The following PIP5K1B variants were observed in gnomAD, a reference collection of about 807,000 sequenced individuals.
PIP5K1B encodes the protein phosphatidylinositol 4-phosphate 5-kinase type-1 beta.
A neutral mutation model predicts 67.0 loss-of-function variants in PIP5K1B; 42 were observed. That is an observed-to-expected ratio of 0.63 (90% CI 0.49 to 0.81). The LOEUF is 0.81. Ranked by LOEUF, PIP5K1B falls within the 30% of genes least tolerant of loss-of-function variation. The pLI is 0.00. For synonymous variants in PIP5K1B, 214 were observed against 231.4 expected, an observed-to-expected ratio of 0.92 and a Z score of 0.68; for missense variants, 459 against 646.3, an observed-to-expected ratio of 0.71 and a Z score of 3.14.
chr9:68,730,927 C>T (rs745879906), intron 1 of PIP5K1B, among the ~76,000 whole-genome samples: 4 of 152,232 alleles, frequency 2.6e-5, no homozygotes, highest in Non-Finnish European at 5.9e-5. Flanking sequence ...CCCCTCTTTT[C>T]ATGAGAAAGG....
At chr9:68,807,877 G>T (rs1233801611) in intron 2 of PIP5K1B, among the ~76,000 whole-genome samples, 1 of 152,204 alleles carries the variant, frequency 6.6e-6, no homozygotes, top group African/African-American at 2.4e-5. Context: ...ATATTGTGAA[G>T]TCTACCCAGT....
intron 5 of PIP5K1B, among the ~76,000 whole-genome samples, chr9:68,875,622 T>C (rs1298619232): frequency 6.6e-6 from 1 of 152,242 alleles, no homozygotes; most frequent in African/African-American, 2.4e-5. Flanking sequence ...GTTTATTCTG[T>C]GCTGAAAGCC....
chr9:68,854,383 G>C (rs1822662887), intron 4 of PIP5K1B, among the ~76,000 whole-genome samples: 1 of 151,952 alleles, frequency 6.6e-6, no homozygotes, highest in African/African-American at 2.4e-5. Context: ...TCCTGCCCTG[G>C]CCTCTCAAAA....
chr9:68,977,126 A>G (rs1217400088), intron 14 of PIP5K1B, among the ~76,000 whole-genome samples: 1 of 152,226 alleles, frequency 6.6e-6, no homozygotes, highest in Non-Finnish European at 1.5e-5. Context: ...TATGAGCTCT[A>G]GGAAGGGAAC....
At chr9:68,708,337 A>G (rs1827220940) in intron 1 of PIP5K1B, among the ~76,000 whole-genome samples, 1 of 152,184 alleles carries the variant, frequency 6.6e-6, no homozygotes, top group South Asian at 2.1e-4. Context: ...CATAAGGAAA[A>G]CATATGCTGT....
chr9:68,788,479 GTT>G (rs1333640905), intron 2 of PIP5K1B: 1 of 356,138 alleles, frequency 2.8e-6, no homozygotes, highest in South Asian at 2.6e-5. Context: ...GAAGGTTTTT[GTT>G]TTGTTTTGTT....
Position 68,993,061 on chromosome 9 carries a change from CTGGGGCAGGAGA to C in PIP5K1B, c.1620+1805_1620+1816del, listed in dbSNP as rs1457088902. Among the ~76,000 whole-genome samples the C allele has an allele frequency of 2.0e-5, 3 of 151,934 alleles. No individual in the cohort carries two copies. In the East Asian group the frequency reaches 5.8e-4, roughly 29 times the overall value. On this transcript the variant is annotated intron_variant, in intron 15 of 15. Transcript: ENST00000265382. ...CCTGTAGTCCCAGCTACTCGGAAGG[CTGGGGCAGGAGA>C]ATGGCGTGAACCCGGGAGGCGGAGC...
intron 4 of PIP5K1B, among the ~76,000 whole-genome samples, chr9:68,840,601 T>TA (rs1265790687): frequency 2.0e-5 from 3 of 152,172 alleles, no homozygotes; most frequent in East Asian, 1.9e-4. Flanking sequence ...AGGGGCCACT[T>TA]ACATTTCTTG....
At chr9:68,876,317 T>C (rs1262197772) in intron 5 of PIP5K1B, among the ~76,000 whole-genome samples, 1 of 152,160 alleles carries the variant, frequency 6.6e-6, no homozygotes, top group Non-Finnish European at 1.5e-5. Context: ...AAAAAATGCA[T>C]TTTTGAAATT....
At chr9:68,715,634 T>G (rs1288245087) in intron 1 of PIP5K1B, among the ~76,000 whole-genome samples, 2 of 152,180 alleles carry the variant, frequency 1.3e-5, no homozygotes. Flanking sequence ...CACCAGCTGC[T>G]AATCATCAGG....
chr9:68,802,977 G>A (rs1287359831), intron 2 of PIP5K1B, among the ~76,000 whole-genome samples: 1 of 152,186 alleles, frequency 6.6e-6, no homozygotes, highest in Admixed American at 6.5e-5. Flanking sequence ...CTAATTAGGA[G>A]GCTAGGGCAG....
At chr9:68,853,826 A>T (rs1160490585) in intron 4 of PIP5K1B, among the ~76,000 whole-genome samples, 2 of 152,126 alleles carry the variant, frequency 1.3e-5, no homozygotes, top group African/African-American at 4.8e-5. Context: ...AAAGATACAT[A>T]CCTGGACAGC....
Position 69,008,517 on chromosome 9 carries a change from G to A in PIP5K1B, c.*68G>A, listed in dbSNP as rs368173333. ...ACAGTTATGGCAGAGAAGTTTCTCC[G>A]CACCAGAATTATCCACAGCAACTTG... On this transcript the variant is annotated 3_prime_UTR_variant, in exon 16 of 16. Coordinates refer to ENST00000265382, the MANE Select transcript of PIP5K1B (RefSeq NM_003558.4). 1.2e-4 allele frequency: 185 copies of A among 1,497,344 alleles called. No individual in the cohort carries two copies. The highest frequency in any genetic ancestry group is 4.3e-4 in the African/African-American group (31 of 72,718). 92.8% of individuals were successfully genotyped at this position (1,497,344 alleles called of 1,614,324 possible). A position where few individuals can be genotyped will look rare whatever the true frequency, so the allele number is the denominator to read the frequency against.
At chr9:68,902,410 A>G (rs994097198) in intron 8 of PIP5K1B, among the ~76,000 whole-genome samples, 60 of 152,208 alleles carry the variant, frequency 3.9e-4, no homozygotes, top group African/African-American at 1.4e-3. Flanking sequence ...GCATAATGCC[A>G]TTGATATTCA....
At chr9:68,885,924 G>A (rs1425593779) in intron 6 of PIP5K1B, among the ~76,000 whole-genome samples, 2 of 152,232 alleles carry the variant, frequency 1.3e-5, no homozygotes, top group Admixed American at 6.5e-5. Context: ...GCTCACGCCT[G>A]TAATCCCAGC....
At chr9:68,965,220 A>ACTAT (rs3066205) in intron 14 of PIP5K1B, among the ~76,000 whole-genome samples, 147,086 of 152,190 alleles carry the variant, frequency 0.97, 71,270 homozygotes, top group East Asian at 1. Flanking sequence ...AATATATATG[A>ACTAT]CTAGTACAAT....
intron 1 of PIP5K1B, among the ~76,000 whole-genome samples, chr9:68,712,023 C>T (rs1352533436): frequency 1.3e-5 from 2 of 152,160 alleles, no homozygotes; most frequent in Non-Finnish European, 2.9e-5. Flanking sequence ...GACGTTTGTC[C>T]CTTCCAAATC....
intron 7 of PIP5K1B, among the ~76,000 whole-genome samples, chr9:68,894,062 C>T (rs1824956989): frequency 6.6e-6 from 1 of 152,200 alleles, no homozygotes; most frequent in Admixed American, 6.5e-5. Flanking sequence ...CTCATGGCAC[C>T]AGTCAATTCC....
chr9:68,823,441 T>G lies in PIP5K1B; in HGVS notation c.69+758T>G, dbSNP rs368223464. 9.1e-4 allele frequency among the ~76,000 whole-genome samples: 139 copies of G among 152,338 alleles called. 2 individuals are homozygous for G. Among genetic ancestry groups the G allele is most frequent in the Admixed American group, 1.8e-3 (28 of 15,302 alleles). ...ACATTTAAAACATTTCCTACCTTTG[T>G]ATTTTAAAACTTTTAAAATGTGAGA... is the stretch of plus-strand genomic sequence containing the variant. On this transcript the variant is annotated intron_variant, in intron 4 of 15. Transcript: ENST00000265382.
Sources: allele counts gnomAD v4.1 joint callset (sites outside exome capture counted in the v4.1 genomes callset), GRCh38; gene constraint gnomAD v4.1.1; transcripts MANE v1.5; gene names NCBI Gene and HGNC (gene_info 2026-07-23, HGNC 2026-07-21).